RGS7: variants seen among roughly 807,000 people sequenced by gnomAD.
RGS7 encodes the protein regulator of G protein signaling 7, also known as regulator of G-protein signaling 7.
RGS7 carries 27 observed loss-of-function variants against 81.1 expected under a neutral mutation model. The ratio of observed to expected loss-of-function variants is 0.33; its 90% CI spans 0.25 to 0.46. RGS7 has a LOEUF of 0.46. Among genes scored for constraint, RGS7 ranks in the 20% least tolerant of loss-of-function variants. The probability of loss-of-function intolerance (pLI) is 1.00; values close to 1 mark genes in which losing one functional copy is unlikely to be tolerated. For synonymous variants in RGS7, 208 were observed against 207.7 expected (o/e 1.00, Z -0.01); for missense variants, 396 against 607.4 (o/e 0.65, Z 3.66).
In RGS7 at chr1:240,886,767, T is replaced by C. The variant is rs115740802; in HGVS notation, c.386-16648A>G. On this transcript the variant is annotated intron_variant, in intron 6 of 18. Coordinates refer to ENST00000440928, the MANE Select transcript of RGS7 (RefSeq NM_001364886.1). ...ATAGAAAAAGGGCAATTTTCAATCTTTTTCTCCCCAAAAGGCCCAGCAACA... is the reference window on the plus strand; with the variant it reads ...ATAGAAAAAGGGCAATTTTCAATCTCTTTCTCCCCAAAAGGCCCAGCAACA... 5.0e-3 allele frequency among the ~76,000 whole-genome samples: 768 copies of C among 152,306 alleles called. 5 individuals carry two copies. The highest frequency in any genetic ancestry group is 0.017 in the African/African-American group (715 of 41,562).
rs1224691772 is a variant in RGS7, at chr1:240,948,255, T to C, written c.227-11549A>G. On this transcript the variant is annotated intron_variant, in intron 4 of 18. Transcript: ENST00000440928. ...GTATGGACATTTTTGTCTGTTTGCT[T>C]GGTTGGTTTTAGTGGTTTGTTTGCT... Among the ~76,000 whole-genome samples, 3 of 152,170 alleles carry C rather than the reference T, an allele frequency of 2.0e-5. No individual in the cohort carries two copies. The East Asian group carries it at 5.8e-4, about 29-fold the overall frequency.
chr1:241,064,423 CAAAAAAA>C (rs557864611), intron 3 of RGS7, among the ~76,000 whole-genome samples: 2 of 95,240 alleles, frequency 2.1e-5, no homozygotes, highest in East Asian at 3.0e-4. Context: ...CAGTCTCTAC[CAAAAAAA>C]AAAAAAAAAA....
chr1:241,128,456 G>A (rs1162176613), intron 2 of RGS7, among the ~76,000 whole-genome samples: 1 of 151,508 alleles, frequency 6.6e-6, no homozygotes, highest in Admixed American at 6.6e-5. Context: ...TGGTGGCGGT[G>A]CAAGCATGTA....
At chr1:241,252,146 C>G (rs1425601424) in intron 2 of RGS7, among the ~76,000 whole-genome samples, 3 of 151,446 alleles carry the variant, frequency 2.0e-5, no homozygotes, top group Non-Finnish European at 4.4e-5. Context: ...CAGGTTCAAG[C>G]AATTCTCCTG....
intron 18 of RGS7, among the ~76,000 whole-genome samples, chr1:240,799,586 G>A (rs1448132626): frequency 6.6e-6 from 1 of 151,772 alleles, no homozygotes; most frequent in African/African-American, 2.4e-5. Flanking sequence ...CAACCTTTTG[G>A]CTTCCCTAGG....
chr1:241,083,405 C>A (rs572368564), intron 3 of RGS7, among the ~76,000 whole-genome samples: 2 of 152,106 alleles, frequency 1.3e-5, no homozygotes, highest in South Asian at 4.2e-4. Context: ...AGAGTAACAA[C>A]CATTAGGGGA....
intron 2 of RGS7, among the ~76,000 whole-genome samples, chr1:241,150,798 G>C (rs2068691231): frequency 1.3e-5 from 2 of 152,164 alleles, no homozygotes; most frequent in African/African-American, 4.8e-5. Context: ...CTGCAAACTG[G>C]AGAACCAGAG....
At chr1:241,214,545 C>A (rs1325661018) in intron 2 of RGS7, among the ~76,000 whole-genome samples, 1 of 151,960 alleles carries the variant, frequency 6.6e-6, no homozygotes, top group Non-Finnish European at 1.5e-5. Flanking sequence ...CTGTTTTAGG[C>A]CAAATTTGGA....
At chr1:241,142,429 T>A (rs2067995403) in intron 2 of RGS7, among the ~76,000 whole-genome samples, 1 of 152,180 alleles carries the variant, frequency 6.6e-6, no homozygotes, top group Admixed American at 6.5e-5. Context: ...TTTCCATACA[T>A]CTTCTGAAAT....
At chr1:241,084,088 T>C (rs1392202604) in intron 3 of RGS7, among the ~76,000 whole-genome samples, 2 of 152,236 alleles carry the variant, frequency 1.3e-5, no homozygotes, top group African/African-American at 2.4e-5. Flanking sequence ...ATGCAGACTG[T>C]CCTCAGTAAA....
chr1:240,832,759 C>T (rs113259566), intron 9 of RGS7, among the ~76,000 whole-genome samples: 19 of 152,242 alleles, frequency 1.2e-4, no homozygotes, highest in East Asian at 3.9e-4. Context: ...GTGTCCTAAA[C>T]GACAGGTGAG....
intron 2 of RGS7, among the ~76,000 whole-genome samples, chr1:241,270,613 G>A (rs1034341772): frequency 5.9e-5 from 9 of 152,038 alleles, no homozygotes; most frequent in African/African-American, 9.7e-5. Context: ...ATCTGTCTTC[G>A]TTTAAAGAAA....
At chr1:241,020,969 A>C (rs1421549752) in intron 3 of RGS7, among the ~76,000 whole-genome samples, 2 of 152,190 alleles carry the variant, frequency 1.3e-5, no homozygotes, top group African/African-American at 4.8e-5. Flanking sequence ...TGTAAATGGG[A>C]AATTAAGACA....
chr1:240,996,020 T>G lies in RGS7; in HGVS notation c.176-12891A>C, dbSNP rs943709281. Among the ~76,000 whole-genome samples the G allele has an allele frequency of 1.6e-4, 20 of 124,972 alleles. No homozygotes were observed. The East Asian group carries it at 1.7e-3, about 11-fold the overall frequency. The allele number at this position is 124,972 out of a possible 152,430, so 82.0% of individuals were successfully genotyped here. A position where few individuals can be genotyped will look rare whatever the true frequency, so the allele number is the denominator to read the frequency against. ...ACATGTTACATTTTATTTTTATTGTTTTTTTTTTATTTTCCAGAAGATCCT... is the reference window on the plus strand; with the variant it reads ...ACATGTTACATTTTATTTTTATTGTGTTTTTTTTATTTTCCAGAAGATCCT... On this transcript the variant is annotated intron_variant, in intron 3 of 18. Transcript: ENST00000440928.
chr1:241,311,597 G>A (rs1026109350), intron 2 of RGS7, among the ~76,000 whole-genome samples: 3 of 152,154 alleles, frequency 2.0e-5, no homozygotes, highest in Admixed American at 6.5e-5. Flanking sequence ...GAACTGTGAG[G>A]TAGCTGGTAG....
chr1:240,839,275 T>G (rs924325631), intron 9 of RGS7, among the ~76,000 whole-genome samples: 1 of 152,192 alleles, frequency 6.6e-6, no homozygotes, highest in African/African-American at 2.4e-5. Context: ...ATCAGAAAAC[T>G]ATACAAATGC....
chr1:240,858,747 T>C (rs1661607978), intron 9 of RGS7, among the ~76,000 whole-genome samples: 1 of 152,196 alleles, frequency 6.6e-6, no homozygotes, highest in African/African-American at 2.4e-5. Flanking sequence ...AATATGGATA[T>C]ATGATTTTTT....
intron 4 of RGS7, among the ~76,000 whole-genome samples, chr1:240,976,942 CTATA>C (rs1226812019): frequency 6.6e-6 from 1 of 151,948 alleles, no homozygotes; most frequent in African/African-American, 2.4e-5. Flanking sequence ...ATCTATCTAT[CTATA>C]TATCTATATC....
chr1:241,297,662 T>A (rs2079508035), intron 2 of RGS7, among the ~76,000 whole-genome samples: 1 of 152,166 alleles, frequency 6.6e-6, no homozygotes, highest in African/African-American at 2.4e-5. Flanking sequence ...TGCCATGAGA[T>A]CTACATGAAA....
Sources: allele counts gnomAD v4.1 joint callset (sites outside exome capture counted in the v4.1 genomes callset), GRCh38; gene constraint gnomAD v4.1.1; transcripts MANE v1.5; gene names NCBI Gene and HGNC (gene_info 2026-07-23, HGNC 2026-07-21).